Variants in COL11A1 observed in about 807,000 individuals in gnomAD.
COL11A1 encodes collagen type XI alpha 1 chain, also known as collagen alpha-1(XI) chain.
Under a neutral mutation model 265.2 loss-of-function variants are expected in COL11A1, and 74 were observed. The observed-to-expected ratio is 0.28, with a 90% CI of 0.23 to 0.34. COL11A1 has a LOEUF of 0.34. COL11A1 is among the 10% of genes least tolerant of loss of function. The pLI, the probability that COL11A1 is intolerant of heterozygous loss-of-function variation, is 1.00. For missense variants in COL11A1, 2,165 were observed against 2,263.6 expected (o/e 0.96, Z 0.88); for synonymous variants, 816 against 727.6 (o/e 1.12, Z -1.96).
Position 103,041,696 on chromosome 1 carries a change from T to C in COL11A1, c.652-10452A>G, listed in dbSNP as rs372591230. 3.9e-5 allele frequency among the ~76,000 whole-genome samples: 6 copies of C among 151,922 alleles called. No individual in the cohort carries two copies. In the East Asian group the frequency reaches 9.6e-4, roughly 24 times the overall value. ...AATATAATCAGCATACCTTTATTTT[T>C]TCAAATTCTGAAACAAAAATTATGT... On this transcript the variant is annotated intron_variant, in intron 4 of 66. Coordinates refer to ENST00000370096, the MANE Select transcript of COL11A1 (RefSeq NM_001854.4).
Position 103,021,688 on chromosome 1 carries a change from T to A in COL11A1, c.1308+19A>T. 6.4e-7 allele frequency: 1 copy of A among 1,564,272 alleles called. No homozygotes were observed. On this transcript the variant is annotated intron_variant, in intron 9 of 66. Coordinates refer to ENST00000370096, the MANE Select transcript of COL11A1 (RefSeq NM_001854.4). ...AGCAATTTTACCAACCTTTAAAGTG[T>A]ATTCACACTACTACTTACAGGCTCA...
At chr1:103,008,997 C>A (rs1330190345) in intron 14 of COL11A1, among the ~76,000 whole-genome samples, 1 of 152,032 alleles carries the variant, frequency 6.6e-6, no homozygotes, top group Non-Finnish European at 1.5e-5. Flanking sequence ...ATGGCAAGAA[C>A]CTGGTGTTAT....
chr1:102,932,775 G>C (rs561350182), intron 46 of COL11A1, among the ~76,000 whole-genome samples: 1 of 151,322 alleles, frequency 6.6e-6, no homozygotes, highest in South Asian at 2.1e-4. Context: ...ATATTTCTTG[G>C]AGGCTTTGCT....
chr1:102,956,770 G>A (rs1203212603), intron 41 of COL11A1, among the ~76,000 whole-genome samples: 4 of 151,496 alleles, frequency 2.6e-5, no homozygotes, highest in African/African-American at 7.3e-5. Context: ...TGTTCAAAAA[G>A]TTTTTACAAT....
At position 103,049,780 on chromosome 1, in the gene COL11A1, T is replaced by C. The variant is rs1669637287; in HGVS notation, c.652-18536A>G. On this transcript the variant is annotated intron_variant, in intron 4 of 66. Coordinates refer to ENST00000370096, the MANE Select transcript of COL11A1 (RefSeq NM_001854.4). ...GTTTAGTGCTTCCTTCAGGAGCTCT[T>C]GTAGGGTAGGCCTGGTGGTGACAAA... Among the ~76,000 whole-genome samples, 10 of 152,230 alleles carry C rather than the reference T, an allele frequency of 6.6e-5. No individual in the cohort carries two copies. In the South Asian group the frequency reaches 2.1e-3, roughly 31 times the overall value.
At chr1:102,904,881 A>G (rs1653722919) in intron 54 of COL11A1, among the ~76,000 whole-genome samples, 1 of 152,158 alleles carries the variant, frequency 6.6e-6, no homozygotes, top group South Asian at 2.1e-4. Context: ...CTGGGTATAT[A>G]CCCAAAGGAT....
intron 4 of COL11A1, among the ~76,000 whole-genome samples, chr1:103,048,663 C>G (rs550006664): frequency 3.2e-4 from 49 of 152,222 alleles, no homozygotes; most frequent in African/African-American, 1.2e-3. Flanking sequence ...TTTGCTCTTG[C>G]TTCTCTAGTT....
At position 102,952,226 on chromosome 1, in the gene COL11A1, G is replaced by A. The variant is rs569208824; in HGVS notation, c.3169-5270C>T. Among the ~76,000 whole-genome samples the A allele has an allele frequency of 6.2e-4, 95 of 152,062 alleles. No individual in the cohort carries two copies. In the Middle Eastern group the frequency reaches 0.01, roughly 16 times the overall value. On this transcript the variant is annotated intron_variant, in intron 41 of 66. Coordinates refer to ENST00000370096, the MANE Select transcript of COL11A1 (RefSeq NM_001854.4). ...CGATTCTCCTGCCTTAGCCTTCTGAGTAGCAGAGACTACAGGCACCCGCCA... is the reference window on the plus strand; with the variant it reads ...CGATTCTCCTGCCTTAGCCTTCTGAATAGCAGAGACTACAGGCACCCGCCA...
chr1:102,882,671 A>C (rs75507714), intron 64 of COL11A1, among the ~76,000 whole-genome samples: 1,915 of 152,264 alleles, frequency 0.013, 44 homozygotes, highest in African/African-American at 0.043. Flanking sequence ...CTCGTGAACA[A>C]ACTTTCTTTA....
chr1:102,940,502 G>A (rs1394757512), intron 42 of COL11A1, 68 bp from the exon 43 acceptor site: 24 of 1,126,384 alleles, frequency 2.1e-5, no homozygotes, highest in Non-Finnish European at 3.0e-5. Flanking sequence ...TAATAATCTA[G>A]CTTCTATATT....
Position 102,912,224 on chromosome 1 carries a change from G to GA in COL11A1, c.4033-13dup, listed in dbSNP as rs771716882. On this transcript the variant is annotated splice_polypyrimidine_tract_variant and intron_variant, in intron 53 of 66. Transcript: ENST00000370096. ...GGGCCAGGAGGACCCTATAAAATGT[G>GA]AAAAAATACCTTTAACAAAATTGGA... is the stretch of plus-strand genomic sequence containing the variant. 1.1e-5 allele frequency: 18 copies of GA among 1,600,368 alleles called. No individual in the cohort carries two copies. In the Admixed American group the frequency reaches 1.4e-4, roughly 12 times the overall value.
chr1:102,922,471 A>G (rs1431186053), intron 47 of COL11A1, among the ~76,000 whole-genome samples: 1 of 152,118 alleles, frequency 6.6e-6, no homozygotes, highest in African/African-American at 2.4e-5. Context: ...ATCTCGGCTC[A>G]CTGCAAGCTC....
At chr1:102,988,591 GTT>G (rs1185394347) in intron 29 of COL11A1, among the ~76,000 whole-genome samples, 1 of 151,992 alleles carries the variant, frequency 6.6e-6, no homozygotes, top group Admixed American at 6.6e-5. Context: ...TCATGTTTTT[GTT>G]CATGAAAAAG....
chr1:102,883,362 T>C (rs1301990076), intron 63 of COL11A1, 51 bp from the exon 64 acceptor site: 1 of 1,108,404 alleles, frequency 9.0e-7, no homozygotes, highest in African/African-American at 1.5e-5. Flanking sequence ...ACATCATTGT[T>C]GAATGCATTA....
chr1:103,044,182 A>G (rs1415382440), intron 4 of COL11A1, among the ~76,000 whole-genome samples: 25 of 149,836 alleles, frequency 1.7e-4, no homozygotes, highest in Admixed American at 1.6e-3. Flanking sequence ...TTTTTTTCAA[A>G]CACCCCATAC....
At chr1:102,957,679 C>T (rs1660507150) in intron 41 of COL11A1, among the ~76,000 whole-genome samples, 1 of 151,974 alleles carries the variant, frequency 6.6e-6, no homozygotes, top group African/African-American at 2.4e-5. Flanking sequence ...ACTAACTCTT[C>T]TCACTCTCTT....
chr1:102,923,366 T>C lies in COL11A1; in HGVS notation c.3624A>G (p.Glu1208=). 6.2e-7 allele frequency: 1 copy of C among 1,605,608 alleles called. No individual in the cohort carries two copies. Among genetic ancestry groups the C allele is most frequent in the Admixed American group, 1.7e-5 (1 of 59,616 alleles). Residue 1208 remains glutamate (E), a synonymous_variant, in exon 47 of 67, where the codon GAA becomes GAG. Transcript: ENST00000370096. ...GLQGLPGPPG[E]KGENGDVGPM... is the part of the protein sequence containing the mutation. ...GACCAACATCCCCATTTTCACCTTT[T>C]TCACCAGGTGGGCCTGGCAGACCCT...
intron 4 of COL11A1, among the ~76,000 whole-genome samples, chr1:103,045,741 T>C (rs2102081004): frequency 6.6e-6 from 1 of 152,046 alleles, no homozygotes; most frequent in South Asian, 2.1e-4. Flanking sequence ...TAGCATTAGG[T>C]ATATCTCCTA....
At chr1:102,920,426 C>T (rs1655851359) in intron 48 of COL11A1, 62 bp from the exon 49 acceptor site, 8 of 1,399,652 alleles carry the variant, frequency 5.7e-6, no homozygotes, top group Non-Finnish European at 7.1e-6. Flanking sequence ...CATTCGTAAA[C>T]ATATGTCTAG....
Sources: allele counts gnomAD v4.1 joint callset (sites outside exome capture counted in the v4.1 genomes callset), GRCh38; gene constraint gnomAD v4.1.1; transcripts MANE v1.5; gene names NCBI Gene and HGNC (gene_info 2026-07-23, HGNC 2026-07-21).